RET: variants seen among roughly 807,000 people sequenced by gnomAD.
RET encodes the protein ret proto-oncogene.
RET carries 19 observed loss-of-function variants against 118.3 expected under a neutral mutation model. The ratio of observed to expected loss-of-function variants is 0.16; its 90% CI spans 0.11 to 0.24. RET has a LOEUF of 0.24. Ranked by LOEUF, RET falls within the 10% of genes least tolerant of loss-of-function variation. The pLI, the probability that RET is intolerant of heterozygous loss-of-function variation, is 1.00. For missense variants in RET, 1,219 were observed against 1,502.1 expected (o/e 0.81, Z 3.12); for synonymous variants, 597 against 644.1 (o/e 0.93, Z 1.11).
chr10:43,096,534 C>T (rs1166226411), intron 1 of RET, among the ~76,000 whole-genome samples: 1 of 152,186 alleles, frequency 6.6e-6, no homozygotes, highest in Non-Finnish European at 1.5e-5. Flanking sequence ...CATGATGATA[C>T]ACCCCTGTGC....
chr10:43,127,857 A>G (rs1838368603), intron 19 of RET, among the ~76,000 whole-genome samples: 1 of 152,234 alleles, frequency 6.6e-6, no homozygotes, highest in Non-Finnish European at 1.5e-5. Context: ...AATATACATC[A>G]GATTAGAGAG....
rs80266666 is a variant in RET at position 43,089,822 on chromosome 10, C to T, written c.74-10637C>T. 9.9e-4 allele frequency among the ~76,000 whole-genome samples: 151 copies of T among 152,362 alleles called. 3 individuals carry two copies. The East Asian group carries it at 0.028, about 28-fold the overall frequency. Reference sequence around the variant, plus strand: ...GCCAAGAGCAGGTTGAGTGTATGGGCACTGTCTGTCAGCCTCATACTCTTG... The same window carrying T: ...GCCAAGAGCAGGTTGAGTGTATGGGTACTGTCTGTCAGCCTCATACTCTTG... On this transcript the variant is annotated intron_variant, in intron 1 of 19. Coordinates refer to ENST00000355710, the MANE Select transcript of RET (RefSeq NM_020975.6).
At chr10:43,104,473 C>T (rs1247607801) in intron 3 of RET, among the ~76,000 whole-genome samples, 3 of 151,936 alleles carry the variant, frequency 2.0e-5, no homozygotes, top group Non-Finnish European at 4.4e-5. Flanking sequence ...GCCAAGATCG[C>T]GCCACTGCAC....
intron 5 of RET, 91 bp from the exon 6 acceptor site, chr10:43,108,940 T>G: frequency 5.6e-6 from 7 of 1,241,496 alleles, no homozygotes; most frequent in Non-Finnish European, 8.2e-6. Flanking sequence ...TGCACCAGTG[T>G]GAGTGCAGGG....
chr10:43,104,861 C>G, intron 3 of RET, 91 bp from the exon 4 acceptor site: 2 of 1,503,534 alleles, frequency 1.3e-6, no homozygotes, highest in African/African-American at 1.4e-5. Flanking sequence ...GTGTGCGCCC[C>G]GCTCTGACCG....
In RET at chr10:43,104,801, G is replaced by A. The variant is rs188616637; in HGVS notation, c.626-151G>A. On this transcript the variant is annotated intron_variant, in intron 3 of 19. Transcript: ENST00000355710. Reference sequence around the variant, plus strand: ...TGCAAACTGCAAACTCGTGCTCCGAGCGCTGCCCTCCCCTGTGGAGCGGAG... The same window carrying A: ...TGCAAACTGCAAACTCGTGCTCCGAACGCTGCCCTCCCCTGTGGAGCGGAG... 8.7e-4 allele frequency: 1,051 copies of A among 1,203,276 alleles called. 13 individuals are homozygous for A. The African/African-American group carries it at 0.015, about 17-fold the overall frequency. 74.5% of individuals were successfully genotyped at this position (1,203,276 alleles called of 1,614,324 possible).
At position 43,106,521 on chromosome 10, in the gene RET, C is replaced by A. The variant is rs377767433; in HGVS notation, c.1013C>A (p.Thr338Asn). 3 of 1,613,818 alleles carry A rather than the reference C, an allele frequency of 1.9e-6. No homozygotes were observed. Among genetic ancestry groups the A allele is most frequent in the Non-Finnish European group, 2.5e-6 (3 of 1,179,828 alleles). The change falls in exon 5 of 20, where the codon ACC (threonine) becomes AAC (asparagine). Residue 338 changes from threonine (T) to asparagine (N), a missense_variant. By Grantham distance (65) the Thr-to-Asn change is moderately conservative (BLOSUM62 0). Transcript: ENST00000355710. The surrounding 1 kb of genome is among the most constrained non-coding windows in gnomAD (Gnocchi z 5.1). ...CGGGTGGAACACTGGCCCAACGAGA[C>A]CTCGGTCCAGGCCAACGGCAGCTTC... ...TFRVEHWPNE[T>N]SVQANGSFVR...
chr10:43,108,591 G>A (rs1254929752), intron 5 of RET, among the ~76,000 whole-genome samples: 2 of 152,124 alleles, frequency 1.3e-5, no homozygotes, highest in Non-Finnish European at 2.9e-5. Context: ...GCCAAGAGGG[G>A]ATCTATTCAG....
rs775981129 is a variant in RET, at chr10:43,119,629, G to A, written c.2491G>A (p.Gly831Ser). Residue 831 changes from glycine (G) to serine (S), a missense_variant, in exon 14 of 20, where the codon GGC becomes AGC. By Grantham distance (56) the Gly-to-Ser change is moderately conservative. Around this residue, in one of 5 missense-constraint regions of RET, gnomAD observed 850 missense variants for 969.6 expected, o/e 0.88. Coordinates refer to ENST00000355710, the MANE Select transcript of RET (RefSeq NM_020975.6). ...GGGGCCTGGCTACCTGGGCAGTGGA[G>A]GCAGCCGCAACTCCAGCTCCCTGGA... ...KVGPGYLGSG[G>S]SRNSSSLDHP... 1.9e-6 allele frequency: 3 copies of A among 1,612,802 alleles called. No homozygotes were observed. Among genetic ancestry groups the A allele is most frequent in the Admixed American group, 1.7e-5 (1 of 60,006 alleles).
Position 43,129,833 on chromosome 10 carries a change from C to T in RET, c.*1564C>T. 1 of 379,730 alleles carries T rather than the reference C, an allele frequency of 2.6e-6. No individual in the cohort carries two copies. Among genetic ancestry groups the T allele is most frequent in the Non-Finnish European group, 4.6e-6 (1 of 216,120 alleles). The allele number at this position is 379,730 out of a possible 1,614,324, so 23.5% of individuals were successfully genotyped here. A position where few individuals can be genotyped will look rare whatever the true frequency, so the allele number is the denominator to read the frequency against. ...TGAAAAATGCTTATTGGACACGTAA[C>T]CTGGCTCTAATTTGGGCTGTTTTTC... On this transcript the variant is annotated 3_prime_UTR_variant, in exon 20 of 20. Coordinates refer to ENST00000355710, the MANE Select transcript of RET (RefSeq NM_020975.6).
intron 2 of RET, 28 bp downstream of exon 2, chr10:43,100,750 C>CCG: frequency 6.4e-7 from 1 of 1,553,378 alleles, no homozygotes; most frequent in Non-Finnish European, 8.7e-7. Context: ...ACACCCACCC[C>CCG]GTGCCCCACC....
intron 7 of RET, 146 bp from the exon 8 acceptor site, chr10:43,111,953 G>T: frequency 8.4e-7 from 1 of 1,189,634 alleles, no homozygotes; most frequent in Non-Finnish European, 1.2e-6. Flanking sequence ...TCCTGGCACT[G>T]TCTTTGCTGC....
At chr10:43,122,052 A>T (rs1353956835) in intron 16 of RET, 36 bp downstream of exon 16, 1 of 1,531,226 alleles carries the variant, frequency 6.5e-7, no homozygotes, top group Admixed American at 1.7e-5. Context: ...GGTGGAGGTT[A>T]CAGAAACACC....
At chr10:43,118,342 C>T (rs779463179) in intron 12 of RET, 31 bp from the exon 13 acceptor site, 23 of 1,575,860 alleles carry the variant, frequency 1.5e-5, no homozygotes, top group Admixed American at 1.3e-4. Flanking sequence ...CAGGAGCGAT[C>T]GTTTGCAACC....
chr10:43,100,035 G>C (rs2742242), intron 1 of RET, among the ~76,000 whole-genome samples: 50,130 of 152,138 alleles, frequency 0.33, 8,673 homozygotes, highest in African/African-American at 0.44. Flanking sequence ...TGGAATTGCA[G>C]GGTCATATGG....
Position 43,102,606 on chromosome 10 carries a change from G to C in RET, c.602G>C (p.Ser201Thr), listed in dbSNP as rs898525501. 34 of 1,614,020 alleles carry C rather than the reference G, an allele frequency of 2.1e-5. No homozygotes were observed. The highest frequency in any genetic ancestry group is 2.5e-5 in the Non-Finnish European group (29 of 1,180,050). Reference sequence around the variant, plus strand: ...GTGCAGTTCTTGTGCCCCAACATCAGCGTGGCCTACAGGCTCCTGGAGGGT... The same window carrying C: ...GTGCAGTTCTTGTGCCCCAACATCACCGTGGCCTACAGGCTCCTGGAGGGT... ...LPVQFLCPNISVAYRLLEGEG... is the reference protein window; with the variant it reads ...LPVQFLCPNITVAYRLLEGEG... The change falls in exon 3 of 20, where the codon AGC becomes ACC. Residue 201 changes from serine (S) to threonine (T), a missense_variant. Physicochemically the swap from Ser to Thr is moderately conservative, Grantham distance 58. Transcript: ENST00000355710.
At chr10:43,110,224 G>A (rs1355351359) in intron 6 of RET, among the ~76,000 whole-genome samples, 1 of 152,224 alleles carries the variant, frequency 6.6e-6, no homozygotes, top group Non-Finnish European at 1.5e-5. Context: ...CCCTCTGTCA[G>A]GAGCAACGGG....
chr10:43,109,308 T>C lies in RET; in HGVS notation c.1263+78T>C, dbSNP rs577029360. 65 of 1,436,940 alleles carry C rather than the reference T, an allele frequency of 4.5e-5. No individual in the cohort carries two copies. In the African/African-American group the frequency reaches 6.7e-4, roughly 15 times the overall value. The allele number at this position is 1,436,940 out of a possible 1,614,324, so 89.0% of individuals were successfully genotyped here. On this transcript the variant is annotated intron_variant, in intron 6 of 19. Coordinates refer to ENST00000355710, the MANE Select transcript of RET (RefSeq NM_020975.6). ...GGGGGCACAGGGAGGCAGGTGACAC[T>C]GCCTCTTGGCCCAACCAGCACAGAG...
chr10:43,126,675 C>T lies in RET; in HGVS notation c.3140C>T (p.Pro1047Leu), dbSNP rs1305293392. The T allele has an allele frequency of 6.2e-7, 1 of 1,613,960 alleles. No individual in the cohort carries two copies. The highest frequency in any genetic ancestry group is 1.3e-5 in the African/African-American group (1 of 74,892). The change falls in exon 19 of 20, where the codon CCC (proline) becomes CTC (leucine). Residue 1047 changes from proline (P) to leucine (L), a missense_variant. Transcript: ENST00000355710. ...ETPLVDCNNA[P>L]LPRALPSTWI... ...CCGCTGGTGGACTGTAATAATGCCCCCCTCCCTCGAGCCCTCCCTTCCACA... is the reference window on the plus strand; with the variant it reads ...CCGCTGGTGGACTGTAATAATGCCCTCCTCCCTCGAGCCCTCCCTTCCACA...
Sources: gnomAD v4.1 joint callset for allele counts (sites outside exome capture counted in the v4.1 genomes callset) on GRCh38, gnomAD v4.1.1 for gene constraint, gnomAD v4.1.1 regional missense constraint, Gnocchi (gnomAD v3.1) non-coding constraint, MANE v1.5 for transcripts, NCBI Gene and HGNC (gene_info 2026-07-23, HGNC 2026-07-21) for gene names.